The following CROT variants were observed in gnomAD, a reference collection of about 807,000 sequenced individuals.
CROT encodes the protein carnitine O-octanoyltransferase.
CROT carries 84 observed loss-of-function variants against 89.2 expected under a neutral mutation model. That is an observed-to-expected ratio of 0.94 (90% CI 0.79 to 1.13). CROT has a LOEUF of 1.13. Ranked by LOEUF, CROT falls within the 50% of genes most tolerant of loss-of-function variation. CROT has a pLI of 0.00. For synonymous variants in CROT, 212 were observed against 239.5 expected (o/e 0.89, Z 1.06); for missense variants, 711 against 727.8 (o/e 0.98, Z 0.27).
At chr7:87,397,586 T>C (rs1272879126) in intron 17 of CROT, among the ~76,000 whole-genome samples, 1 of 152,190 alleles carries the variant, frequency 6.6e-6, no homozygotes, top group Non-Finnish European at 1.5e-5. Flanking sequence ...CTGCTAAATA[T>C]CTGGGAATTC....
intron 13 of CROT, among the ~76,000 whole-genome samples, chr7:87,391,197 G>A (rs1206627804): frequency 1.3e-5 from 2 of 152,220 alleles, no homozygotes; most frequent in Admixed American, 1.3e-4. Context: ...GAGAACAAGA[G>A]AGAGCTCTCT....
chr7:87,356,853 C>G (rs1026000444), intron 3 of CROT, among the ~76,000 whole-genome samples: 5 of 152,098 alleles, frequency 3.3e-5, no homozygotes, highest in Non-Finnish European at 1.5e-5. Flanking sequence ...GAAACCTTGT[C>G]TCTACTAAAA....
At chr7:87,372,810 C>T (rs750927123) in intron 7 of CROT, among the ~76,000 whole-genome samples, 2 of 152,064 alleles carry the variant, frequency 1.3e-5, no homozygotes, top group Non-Finnish European at 2.9e-5. Flanking sequence ...TGCTGAATAA[C>T]ATTCTATTTT....
intron 6 of CROT, among the ~76,000 whole-genome samples, chr7:87,362,247 CTG>C (rs1310933054): frequency 1.3e-5 from 2 of 151,272 alleles, no homozygotes; most frequent in African/African-American, 4.9e-5. Flanking sequence ...CACAGTCTCC[CTG>C]TGAGTCTGCT....
In CROT at chr7:87,392,708, G is replaced by C. The variant is rs31644; in HGVS notation, c.1505-22G>C. The C allele has an allele frequency of 0.88, 1,419,387 of 1,611,570 alleles. 626,633 individuals carry two copies. Among genetic ancestry groups the C allele is most frequent in the Middle Eastern group, 0.92 (5,545 of 6,046 alleles). On this transcript the variant is annotated intron_variant, in intron 15 of 17. Transcript: ENST00000331536. ...ATGGTGAAAAATTTTTTTCTAACCT[G>C]AGATTTGGGGTTTCATTGCAGGATT...
chr7:87,362,681 C>T (rs1806322254), intron 6 of CROT, among the ~76,000 whole-genome samples: 1 of 151,858 alleles, frequency 6.6e-6, no homozygotes, highest in East Asian at 1.9e-4. Context: ...GCAGTTTCTG[C>T]TTGGTGTCCT....
At chr7:87,387,234 T>C (rs1807211110) in intron 13 of CROT, among the ~76,000 whole-genome samples, 1 of 152,062 alleles carries the variant, frequency 6.6e-6, no homozygotes, top group African/African-American at 2.4e-5. Context: ...TCTGCCATTA[T>C]GGTAACATGA....
intron 4 of CROT, 122 bp from the exon 5 acceptor site, chr7:87,361,268 A>T: frequency 9.5e-7 from 1 of 1,051,738 alleles, no homozygotes; most frequent in East Asian, 2.6e-5. Context: ...CAGCCAAAAA[A>T]CATGTTTTTA....
intron 10 of CROT, among the ~76,000 whole-genome samples, chr7:87,379,609 C>T (rs1806926657): frequency 1.3e-5 from 2 of 152,194 alleles, no homozygotes; most frequent in South Asian, 2.1e-4. Flanking sequence ...ATATTGGGCT[C>T]ATAATGAGCA....
chr7:87,371,826 A>C (rs1435359835), intron 7 of CROT, among the ~76,000 whole-genome samples: 6 of 152,030 alleles, frequency 3.9e-5, no homozygotes, highest in Admixed American at 2.0e-4. Context: ...CCCTGTCTCT[A>C]TAAAAAGTTA....
intron 4 of CROT, among the ~76,000 whole-genome samples, chr7:87,360,466 A>G (rs910542331): frequency 3.3e-5 from 5 of 152,186 alleles, no homozygotes; most frequent in Admixed American, 2.0e-4. Context: ...TCAGTCTCCC[A>G]TGCACCTGGA....
rs117501885 is a variant in CROT at position 87,384,005 on chromosome 7, G to A, written c.1301+1462G>A. Among the ~76,000 whole-genome samples, 170 of 151,844 alleles carry A rather than the reference G, an allele frequency of 1.1e-3. 5 individuals are homozygous for A. In the East Asian group the frequency reaches 0.028, roughly 25 times the overall value. ...TTTGTGAGGCACTTTCAGACTGTTC[G>A]CCATAGTGGCTGTACTAATTTACAT... On this transcript the variant is annotated intron_variant, in intron 13 of 17. Coordinates refer to ENST00000331536, the MANE Select transcript of CROT (RefSeq NM_021151.4).
chr7:87,361,342 T>G (rs1424717326), intron 4 of CROT, 48 bp from the exon 5 acceptor site: 1 of 1,510,052 alleles, frequency 6.6e-7, no homozygotes, highest in East Asian at 2.3e-5. Context: ...TAGTTACACA[T>G]TCATGTATTA....
intron 4 of CROT, chr7:87,359,865 C>G: frequency 1.0e-6 from 1 of 985,926 alleles, no homozygotes; most frequent in Non-Finnish European, 1.2e-6. Context: ...TCTTTAACTT[C>G]TTCAGCTCAA....
chr7:87,361,063 G>A (rs1175206663), intron 4 of CROT, among the ~76,000 whole-genome samples: 1 of 152,016 alleles, frequency 6.6e-6, no homozygotes, highest in Non-Finnish European at 1.5e-5. Context: ...TGAACTCCTG[G>A]GCTCAGGTGG....
intron 3 of CROT, chr7:87,354,365 G>A (rs570220386): frequency 7.7e-6 from 4 of 518,058 alleles, no homozygotes; most frequent in South Asian, 5.6e-5. Flanking sequence ...AGATAACCTG[G>A]ACATCAAACC....
At chr7:87,377,800 A>T (rs1026930343) in intron 10 of CROT, among the ~76,000 whole-genome samples, 1 of 152,088 alleles carries the variant, frequency 6.6e-6, no homozygotes, top group African/African-American at 2.4e-5. Context: ...ATGCATATGG[A>T]TATATTTATA....
In CROT at chr7:87,398,638, T is replaced by A. The variant is rs1270641997; in HGVS notation, c.1833T>A (p.His611Gln). The part of the protein sequence containing the change: ...HDMIQLMNST[H>Q]L ...TGATACAGCTGATGAACTCTACTCA[T>A]CTTTAGAGATGAATCATCTATTAAG... is the stretch of plus-strand genomic sequence containing the variant. Residue 611 changes from histidine to glutamine, a missense_variant, in exon 18 of 18, where the codon CAT becomes CAA. Coordinates refer to ENST00000331536, the MANE Select transcript of CROT (RefSeq NM_021151.4). The A allele has an allele frequency of 1.2e-6, 2 of 1,613,028 alleles. No individual in the cohort carries two copies. The highest frequency in any genetic ancestry group is 2.2e-5 in the East Asian group (1 of 44,840).
At position 87,359,254 on chromosome 7, in the gene CROT, T is replaced by A; in HGVS notation, c.164T>A (p.Val55Asp). 1 of 1,591,796 alleles carries A rather than the reference T, an allele frequency of 6.3e-7. No individual in the cohort carries two copies. Among genetic ancestry groups the A allele is most frequent in the Non-Finnish European group, 8.6e-7 (1 of 1,162,454 alleles). The change falls in exon 4 of 18, where the codon GTT becomes GAT. Residue 55 changes from valine to aspartate, a missense_variant. Val to Asp is a radical substitution (Grantham distance 152). Coordinates refer to ENST00000331536, the MANE Select transcript of CROT (RefSeq NM_021151.4). ...GAATATAAGAAAACTGAAGAAATAG[T>A]TCAAAAATTTCAAAGTGGGATTGGA... ...QEEYKKTEEIVQKFQSGIGEK... is the reference protein window; with the variant it reads ...QEEYKKTEEIDQKFQSGIGEK...
Sources: allele counts gnomAD v4.1 joint callset (sites outside exome capture counted in the v4.1 genomes callset), GRCh38; gene constraint gnomAD v4.1.1; transcripts MANE v1.5; gene names NCBI Gene and HGNC (gene_info 2026-07-23, HGNC 2026-07-21).